The following ACOXL variants were observed in gnomAD, a reference collection of about 807,000 sequenced individuals.
ACOXL encodes the protein acyl-coenzyme A oxidase-like protein.
Under a neutral mutation model 71.9 loss-of-function variants are expected in ACOXL, and 70 were observed. The observed-to-expected ratio is 0.97, with a 90% CI of 0.80 to 1.19. The LOEUF is 1.19. Ranked by LOEUF, ACOXL falls within the 50% of genes most tolerant of loss-of-function variation. The pLI is 0.00. For synonymous variants in ACOXL, 253 were observed against 281.6 expected (o/e 0.90, Z 1.02); for missense variants, 703 against 736.3 (o/e 0.95, Z 0.52).
chr2:110,759,260 A>G (rs1479986800), intron 1 of ACOXL, among the ~76,000 whole-genome samples: 1 of 152,132 alleles, frequency 6.6e-6, no homozygotes, highest in East Asian at 1.9e-4. Context: ...TGATTTGTCT[A>G]CTATTGTCAG....
chr2:111,017,461 C>T (rs1316233445), intron 14 of ACOXL, among the ~76,000 whole-genome samples: 1 of 152,268 alleles, frequency 6.6e-6, no homozygotes, highest in East Asian at 1.9e-4. Flanking sequence ...TCCAGCAGCA[C>T]AGTAGGGTGG....
intron 17 of ACOXL, among the ~76,000 whole-genome samples, chr2:111,106,726 C>T (rs2069562657): frequency 6.6e-6 from 1 of 152,140 alleles, no homozygotes; most frequent in Admixed American, 6.5e-5. Context: ...TCATTACTGC[C>T]TTATAGGGAT....
intron 10 of ACOXL, among the ~76,000 whole-genome samples, chr2:110,893,363 A>G (rs1451957662): frequency 1.5e-5 from 2 of 135,136 alleles, no homozygotes; most frequent in East Asian, 2.1e-4. Flanking sequence ...TATAAGATAG[A>G]AAAATTATTA....
intron 12 of ACOXL, among the ~76,000 whole-genome samples, chr2:110,969,184 A>G (rs1167570187): frequency 6.6e-6 from 1 of 152,226 alleles, no homozygotes; most frequent in African/African-American, 2.4e-5. Context: ...TGCTGAAAGG[A>G]AAATTCATAG....
At chr2:111,084,106 C>T (rs868013223) in intron 16 of ACOXL, among the ~76,000 whole-genome samples, 3 of 152,130 alleles carry the variant, frequency 2.0e-5, no homozygotes, top group Middle Eastern at 3.4e-3. Flanking sequence ...GGGGAAGGAT[C>T]GCTTGAGCCC....
intron 10 of ACOXL, among the ~76,000 whole-genome samples, chr2:110,895,492 G>C (rs999336459): frequency 6.6e-6 from 1 of 151,976 alleles, no homozygotes; most frequent in African/African-American, 2.4e-5. Flanking sequence ...AAATAGGAGG[G>C]CTGAAAAAGT....
Position 110,921,397 on chromosome 2 carries a change from C to G in ACOXL, c.906-12092C>G, listed in dbSNP as rs888676990. 1.3e-3 allele frequency among the ~76,000 whole-genome samples: 166 copies of G among 128,084 alleles called. 1 individual carries two copies. The highest frequency in any genetic ancestry group is 4.6e-3 in the African/African-American group (164 of 35,698). The allele number at this position is 128,084 out of a possible 152,430, so 84.0% of individuals were successfully genotyped here. A position where few individuals can be genotyped will look rare whatever the true frequency, so the allele number is the denominator to read the frequency against. ...GTGTCTCTATATATCCACCCCCCCC[C>G]CCCTTTTTTTTTTGAGGCAGAGTCT... On this transcript the variant is annotated intron_variant, in intron 11 of 17. Transcript: ENST00000439055.
chr2:110,944,956 C>T (rs1351198462), intron 12 of ACOXL, among the ~76,000 whole-genome samples: 1 of 152,236 alleles, frequency 6.6e-6, no homozygotes, highest in East Asian at 1.9e-4. Context: ...AATTTACATT[C>T]CCACCAGCAG....
chr2:111,116,817 T>TAA (rs3833442), intron 17 of ACOXL, among the ~76,000 whole-genome samples: 108 of 145,682 alleles, frequency 7.4e-4, no homozygotes, highest in Middle Eastern at 3.6e-3. Context: ...TTCCTGAAAA[T>TAA]AAAAAAAAAA....
chr2:110,987,486 A>C (rs1298014137), intron 13 of ACOXL, among the ~76,000 whole-genome samples: 1 of 152,150 alleles, frequency 6.6e-6, no homozygotes, highest in Admixed American at 6.5e-5. Flanking sequence ...TAAAAACCCC[A>C]TGAGGTAAGT....
At chr2:110,896,538 CAT>C (rs1443477105) in intron 10 of ACOXL, among the ~76,000 whole-genome samples, 4 of 151,958 alleles carry the variant, frequency 2.6e-5, no homozygotes, top group African/African-American at 7.3e-5. Context: ...TGAAAAAAGA[CAT>C]ATCGTGCAAA....
chr2:110,899,769 G>A (rs750991642), intron 10 of ACOXL, among the ~76,000 whole-genome samples: 3 of 151,992 alleles, frequency 2.0e-5, no homozygotes, highest in Admixed American at 1.3e-4. Context: ...CAGTTCTGAC[G>A]ACTAACATTA....
chr2:111,069,514 T>C (rs2067238986), intron 16 of ACOXL, among the ~76,000 whole-genome samples: 1 of 152,214 alleles, frequency 6.6e-6, no homozygotes, highest in Non-Finnish European at 1.5e-5. Flanking sequence ...AGCCTCATTT[T>C]TACTTAATTA....
intron 9 of ACOXL, among the ~76,000 whole-genome samples, chr2:110,839,543 T>G (rs1690878626): frequency 6.6e-6 from 1 of 152,156 alleles, no homozygotes; most frequent in Non-Finnish European, 1.5e-5. Context: ...ATCAACCTGA[T>G]TTTATATATT....
At chr2:110,870,979 A>G (rs931094084) in intron 10 of ACOXL, among the ~76,000 whole-genome samples, 4 of 152,192 alleles carry the variant, frequency 2.6e-5, no homozygotes, top group Admixed American at 2.6e-4. Flanking sequence ...AAATCGTCCC[A>G]GTGTTGGAAA....
intron 12 of ACOXL, among the ~76,000 whole-genome samples, chr2:110,933,977 T>C (rs1468191364): frequency 6.6e-6 from 1 of 152,158 alleles, no homozygotes; most frequent in Non-Finnish European, 1.5e-5. Flanking sequence ...TTTTAATCCC[T>C]TGGGAGAACA....
intron 16 of ACOXL, among the ~76,000 whole-genome samples, chr2:111,055,082 C>A (rs2066467831): frequency 1.3e-5 from 2 of 152,206 alleles, no homozygotes; most frequent in Admixed American, 1.3e-4. Context: ...TTCTCCTCCT[C>A]ACCCACCCCC....
At chr2:110,810,473 G>A (rs72832839) in intron 9 of ACOXL, among the ~76,000 whole-genome samples, 4,142 of 151,958 alleles carry the variant, frequency 0.027, 83 homozygotes, top group East Asian at 0.055. Flanking sequence ...CCACCTGTCC[G>A]TCTGTGTCCA....
At chr2:111,080,619 T>G (rs1485909117) in intron 16 of ACOXL, among the ~76,000 whole-genome samples, 1 of 152,218 alleles carries the variant, frequency 6.6e-6, no homozygotes, top group Non-Finnish European at 1.5e-5. Flanking sequence ...CCGTTCCTTC[T>G]GAAACTATTC....
Sources: allele counts gnomAD v4.1 joint callset (sites outside exome capture counted in the v4.1 genomes callset), GRCh38; gene constraint gnomAD v4.1.1; transcripts MANE v1.5; gene names NCBI Gene and HGNC (gene_info 2026-07-23, HGNC 2026-07-21).